STAC2: variants seen among roughly 807,000 people sequenced by gnomAD.
STAC2 encodes SH3 and cysteine-rich domain-containing protein 2.
STAC2 carries 36 observed loss-of-function variants against 49.0 expected under a neutral mutation model. The ratio of observed to expected loss-of-function variants is 0.74; its 90% CI spans 0.56 to 0.97. The LOEUF (loss-of-function observed/expected upper bound fraction) is 0.97. Among genes scored for constraint, STAC2 ranks in the 50% least tolerant of loss-of-function variants. The probability of loss-of-function intolerance (pLI) is 0.00; values close to 1 mark genes in which losing one functional copy is unlikely to be tolerated. For synonymous variants in STAC2, 239 were observed against 214.7 expected (o/e 1.11, Z -0.99); for missense variants, 527 against 543.8 (o/e 0.97, Z 0.31).
In STAC2 at chr17:39,211,733, G is replaced by A. The variant is rs2046355888; in HGVS notation, c.*559C>T. 1 of 152,752 alleles carries A rather than the reference G, an allele frequency of 6.5e-6. No individual in the cohort carries two copies. The highest frequency in any genetic ancestry group is 2.4e-5 in the African/African-American group (1 of 41,418). The allele number at this position is 152,752 out of a possible 1,614,324, so 9.5% of individuals were successfully genotyped here. A position where few individuals can be genotyped will look rare whatever the true frequency, so the allele number is the denominator to read the frequency against. Reference sequence around the variant, plus strand: ...CCTGAGAATTGACGGAATGACAGAGGTGGAGACCAGGAGGTGGACTCAGGA... The same window carrying A: ...CCTGAGAATTGACGGAATGACAGAGATGGAGACCAGGAGGTGGACTCAGGA... On this transcript the variant is annotated 3_prime_UTR_variant, in exon 11 of 11. Transcript: ENST00000333461.
rs1019087232 is a variant in STAC2 at position 39,216,678 on chromosome 17, C to A, written c.586+132G>T. On this transcript the variant is annotated intron_variant, in intron 4 of 10. Coordinates refer to ENST00000333461, the MANE Select transcript of STAC2 (RefSeq NM_198993.5). ...AGTGCAGTGGCGTGATCTTGGCTCACTGCAACCTCCGCCTCCTGGGTTCAA... is the reference window on the plus strand; with the variant it reads ...AGTGCAGTGGCGTGATCTTGGCTCAATGCAACCTCCGCCTCCTGGGTTCAA... 1.1e-5 allele frequency: 9 copies of A among 813,698 alleles called. No homozygotes were observed. In the African/African-American group the frequency reaches 1.4e-4, roughly 13 times the overall value. The allele number at this position is 813,698 out of a possible 1,614,324, so 50.4% of individuals were successfully genotyped here.
intron 2 of STAC2, 48 bp downstream of exon 2, chr17:39,217,819 A>G: frequency 1.9e-6 from 3 of 1,552,502 alleles, no homozygotes; most frequent in Non-Finnish European, 2.6e-6. Flanking sequence ...ACTCCCCAGT[A>G]CCCACGCTGG....
intron 1 of STAC2, among the ~76,000 whole-genome samples, chr17:39,218,590 T>C (rs1040393827): frequency 6.6e-6 from 1 of 152,232 alleles, no homozygotes; most frequent in Non-Finnish European, 1.5e-5. Context: ...ATTCCATTTT[T>C]CTTTGAAGAA....
In STAC2 at chr17:39,211,190, AG is replaced by A. The variant is rs561023818; in HGVS notation, c.*1101del. The A allele has an allele frequency of 1.6e-3, 248 of 152,254 alleles. No homozygotes were observed. Among genetic ancestry groups the A allele is most frequent in the African/African-American group, 5.2e-3 (214 of 41,450 alleles). 9.4% of individuals were successfully genotyped at this position (152,254 alleles called of 1,614,324 possible). A position where few individuals can be genotyped will look rare whatever the true frequency, so the allele number is the denominator to read the frequency against. On this transcript the variant is annotated 3_prime_UTR_variant, in exon 11 of 11. Transcript: ENST00000333461. ...TTCCTGTGTGACCGGGGGTCCTGAC[AG>A]TGAAATGGGTTTGCTTTGACCAAGC...
intron 4 of STAC2, 71 bp from the exon 5 acceptor site, chr17:39,215,301 C>G: frequency 3.3e-6 from 5 of 1,508,018 alleles, no homozygotes; most frequent in Non-Finnish European, 4.6e-6. Flanking sequence ...GCTCAGCATG[C>G]CCCAGGCTGA....
intron 7 of STAC2, 163 bp from the exon 8 acceptor site, chr17:39,214,493 C>T: frequency 2.1e-6 from 2 of 973,644 alleles, no homozygotes; most frequent in Non-Finnish European, 2.4e-6. Context: ...TGCTCACCCA[C>T]CCCAAAGCGC....
rs530890514 is a variant in STAC2, at chr17:39,212,408, A to G, written c.1132-12T>C. The G allele has an allele frequency of 8.9e-5, 142 of 1,597,792 alleles. No homozygotes were observed. The South Asian group carries it at 1.5e-3, about 17-fold the overall frequency. On this transcript the variant is annotated splice_polypyrimidine_tract_variant and intron_variant, in intron 10 of 10. Transcript: ENST00000333461. ...ACGCCCACGCAGATCTGAGCCAGAGAGACATGGAGCTGAGGCCTGGCATGG... is the reference window on the plus strand; with the variant it reads ...ACGCCCACGCAGATCTGAGCCAGAGGGACATGGAGCTGAGGCCTGGCATGG...
intron 5 of STAC2, 38 bp downstream of exon 5, chr17:39,215,079 AC>A (rs1314605930): frequency 2.2e-5 from 36 of 1,612,976 alleles, no homozygotes; most frequent in Non-Finnish European, 3.1e-5. Flanking sequence ...ATGCTCAGAC[AC>A]CCCTCCCCAA....
Position 39,212,365 on chromosome 17 carries a change from G to A in STAC2, c.1163C>T (p.Ala388Val). 1 of 1,611,812 alleles carries A rather than the reference G, an allele frequency of 6.2e-7. No homozygotes were observed. The highest frequency in any genetic ancestry group is 8.5e-7 in the Non-Finnish European group (1 of 1,178,902). The change falls in exon 11 of 11, where the codon GCT (alanine) becomes GTT (valine). Residue 388 changes from alanine (A) to valine (V), a missense_variant. Transcript: ENST00000333461. Reference sequence around the variant, plus strand: ...ACTGCTGACGCGGATGAAGCCGTCAGCATCCTTGCTTCTGCCCACGCCCAC... The same window carrying A: ...ACTGCTGACGCGGATGAAGCCGTCAACATCCTTGCTTCTGCCCACGCCCAC... ...ICVGVGRSKD[A>V]DGFIRVSSGK...
rs567405477 is a variant in STAC2 at position 39,213,124 on chromosome 17, G to A, written c.1002C>T (p.Ile334=). 24 of 1,607,902 alleles carry A rather than the reference G, an allele frequency of 1.5e-5. No individual in the cohort carries two copies. In the Admixed American group the frequency reaches 1.5e-4, roughly 10 times the overall value. The change falls in exon 10 of 11, where the codon ATC becomes ATT. Residue 334 remains isoleucine (I), a synonymous_variant. Transcript: ENST00000333461. ...CTGGGAAGAAGCCAACCCGGTCGCCGATCTTGCCCTGGGGATGAGGTTGGC... is the reference window on the plus strand; with the variant it reads ...CTGGGAAGAAGCCAACCCGGTCGCCAATCTTGCCCTGGGGATGAGGTTGGC... ...DSNEDWWKGK[I]GDRVGFFPAN... is the part of the protein sequence containing the mutation.
intron 1 of STAC2, among the ~76,000 whole-genome samples, chr17:39,221,042 T>C (rs2046457838): frequency 1.3e-5 from 2 of 148,744 alleles, no homozygotes. Flanking sequence ...GTGATCCGCC[T>C]GTTTCGGCCT....
At chr17:39,224,854 G>T (rs2046495902) in intron 1 of STAC2, among the ~76,000 whole-genome samples, 5 of 152,058 alleles carry the variant, frequency 3.3e-5, no homozygotes, top group Admixed American at 2.6e-4. Flanking sequence ...TCGCGTCCCC[G>T]AGCCCAACAG....
chr17:39,225,496 C>T lies in STAC2; in HGVS notation c.7G>A (p.Glu3Lys), dbSNP rs1392489238. Reference protein sequence around the residue: MTEMSEKENEPDD... With the variant: MTKMSEKENEPDD... ...GGTTCGTTCTCCTTCTCGCTCATCT[C>T]GGTCATGGTTCGGGGAGAGGGGAGG... Residue 3 changes from glutamate to lysine, a missense_variant, in exon 1 of 11, where the codon GAG becomes AAG. Glu to Lys is a moderately conservative substitution (Grantham distance 56, BLOSUM62 1). Transcript: ENST00000333461. The surrounding 1 kb of genome is among the most constrained non-coding windows in gnomAD (Gnocchi z 8.2). 1 of 1,610,556 alleles carries T rather than the reference C, an allele frequency of 6.2e-7. No individual in the cohort carries two copies. Among genetic ancestry groups the T allele is most frequent in the South Asian group, 1.1e-5 (1 of 91,044 alleles).
At chr17:39,214,199 T>C in intron 8 of STAC2, 34 bp downstream of exon 8, 1 of 1,610,626 alleles carries the variant, frequency 6.2e-7, no homozygotes, top group Non-Finnish European at 8.5e-7. Context: ...AGCGCAGAGC[T>C]GCCCAGCGGG....
intron 8 of STAC2, 74 bp downstream of exon 8, chr17:39,214,159 C>G (rs547328140): frequency 9.1e-6 from 14 of 1,530,830 alleles, no homozygotes; most frequent in Non-Finnish European, 1.2e-5. Flanking sequence ...TTCCTGAAGG[C>G]CCCCCTCACA....
chr17:39,218,439 G>A (rs1034766357), intron 1 of STAC2, among the ~76,000 whole-genome samples: 3 of 152,208 alleles, frequency 2.0e-5, no homozygotes, highest in Non-Finnish European at 4.4e-5. Context: ...CAAGAGCCGT[G>A]GGGACTGTGG....
At chr17:39,214,191 C>A in intron 8 of STAC2, 42 bp downstream of exon 8, 1 of 1,605,246 alleles carries the variant, frequency 6.2e-7, no homozygotes, top group South Asian at 1.1e-5. Context: ...GGTCTGGGAG[C>A]GCAGAGCTGC....
chr17:39,214,696 G>T, intron 7 of STAC2, 95 bp downstream of exon 7: 8 of 1,412,244 alleles, frequency 5.7e-6, no homozygotes, highest in South Asian at 1.3e-5. Flanking sequence ...GAATCCCCAC[G>T]CACCATGCTC....
At chr17:39,222,033 A>G (rs1317452334) in intron 1 of STAC2, among the ~76,000 whole-genome samples, 1 of 152,180 alleles carries the variant, frequency 6.6e-6, no homozygotes, top group Admixed American at 6.5e-5. Context: ...TTCCCCATAT[A>G]GAGCTGAAAC....
Sources: allele counts gnomAD v4.1 joint callset (sites outside exome capture counted in the v4.1 genomes callset), GRCh38; gene constraint gnomAD v4.1.1; non-coding constraint Gnocchi (gnomAD v3.1); transcripts MANE v1.5; gene names NCBI Gene and HGNC (gene_info 2026-07-23, HGNC 2026-07-21).